The following WWP2 variants were observed in gnomAD, a reference collection of about 807,000 sequenced individuals.
The protein encoded by WWP2 is NEDD4-like E3 ubiquitin-protein ligase WWP2.
A neutral mutation model predicts 121.0 loss-of-function variants in WWP2; 57 were observed. The ratio of observed to expected loss-of-function variants is 0.47; its 90% confidence interval spans 0.38 to 0.59. WWP2 has a LOEUF of 0.59. WWP2 is among the 20% of genes least tolerant of loss of function. The pLI, the probability that WWP2 is intolerant of heterozygous loss-of-function variation, is 0.00. For synonymous variants in WWP2, 449 were observed against 441.3 expected, an observed-to-expected ratio of 1.02 and a Z score of -0.22; for missense variants, 962 against 1,158.9, an observed-to-expected ratio of 0.83 and a Z score of 2.47.
chr16:69,763,547 G>GT (rs1466912565), intron 1 of WWP2, among the ~76,000 whole-genome samples: 1 of 152,208 alleles, frequency 6.6e-6, no homozygotes, highest in Non-Finnish European at 1.5e-5. Context: ...ATGAGTTCAA[G>GT]TTTTTGGAGT....
At chr16:69,849,856 T>TGTA (rs2057168149) in intron 6 of WWP2, among the ~76,000 whole-genome samples, 1 of 77,494 alleles carries the variant, frequency 1.3e-5, no homozygotes, top group Non-Finnish European at 2.2e-5. Context: ...TATACATTGG[T>TGTA]TTATTTTGCA....
At chr16:69,924,402 A>G (rs2151980730) in intron 10 of WWP2, among the ~76,000 whole-genome samples, 1 of 152,352 alleles carries the variant, frequency 6.6e-6, no homozygotes, top group Non-Finnish European at 1.5e-5. Context: ...TAACGATTAA[A>G]TTTTAGTAAG....
At chr16:69,874,759 C>T (rs1268463661) in intron 7 of WWP2, among the ~76,000 whole-genome samples, 2 of 152,284 alleles carry the variant, frequency 1.3e-5, no homozygotes, top group South Asian at 2.1e-4. Context: ...AATTTCCATA[C>T]ACATCAGTCA....
chr16:69,847,831 C>G (rs927175350), intron 6 of WWP2, among the ~76,000 whole-genome samples: 1 of 152,152 alleles, frequency 6.6e-6, no homozygotes, highest in African/African-American at 2.4e-5. Flanking sequence ...CCCACTAGGT[C>G]TCACCTCCCA....
At chr16:69,783,800 C>CAACAACAACAACAACAACAAT (rs2055718740) in intron 1 of WWP2, among the ~76,000 whole-genome samples, 1 of 151,666 alleles carries the variant, frequency 6.6e-6, no homozygotes, top group Admixed American at 6.6e-5. Context: ...ACAACAACAA[C>CAACAACAACAACAACAACAAT]AACAAAATAT....
At chr16:69,778,860 T>C (rs4985529) in intron 1 of WWP2, among the ~76,000 whole-genome samples, 129,993 of 150,758 alleles carry the variant, frequency 0.86, 56,249 homozygotes, top group Admixed American at 0.92. Context: ...AGGCTGGTCT[T>C]GAACTCCTGC....
At chr16:69,918,596 G>A (rs1431638173) in intron 10 of WWP2, among the ~76,000 whole-genome samples, 1 of 152,212 alleles carries the variant, frequency 6.6e-6, no homozygotes, top group African/African-American at 2.4e-5. Context: ...GAAAAAGTTT[G>A]TTATCTTTGG....
intron 9 of WWP2, chr16:69,909,060 A>G: frequency 1.5e-6 from 2 of 1,346,694 alleles, no homozygotes; most frequent in Non-Finnish European, 1.9e-6. Flanking sequence ...GGGAAACAAA[A>G]GGCGCATGGG....
At chr16:69,816,676 C>T (rs535410114) in intron 4 of WWP2, among the ~76,000 whole-genome samples, 2 of 152,034 alleles carry the variant, frequency 1.3e-5, no homozygotes, top group Admixed American at 6.6e-5. Context: ...TCTGAATTCC[C>T]TCATATGTAT....
Position 69,773,099 on chromosome 16 carries a change from AGTGTCGCTACTACTTT to A in WWP2, c.-16+10711_-16+10726del, listed in dbSNP as rs531309319. ...AAGAACTGGCCTCTGGGAAGACGCT[AGTGTCGCTACTACTTT>A]GTTTCCTTAGCAACAGTCCTGACGG... is the stretch of plus-strand genomic sequence containing the variant. On this transcript the variant is annotated intron_variant, in intron 1 of 23. Transcript: ENST00000359154. Among the ~76,000 whole-genome samples, 13 of 152,046 alleles carry A rather than the reference AGTGTCGCTACTACTTT, an allele frequency of 8.6e-5. No homozygotes were observed. The East Asian group carries it at 2.1e-3, about 25-fold the overall frequency.
At chr16:69,915,297 G>A (rs1284410976) in intron 9 of WWP2, among the ~76,000 whole-genome samples, 2 of 152,268 alleles carry the variant, frequency 1.3e-5, no homozygotes, top group African/African-American at 4.8e-5. Flanking sequence ...ATTTAACGGT[G>A]AGTTTCCATA....
chr16:69,809,361 C>A (rs2056344595), intron 4 of WWP2, among the ~76,000 whole-genome samples: 1 of 152,082 alleles, frequency 6.6e-6, no homozygotes, highest in Non-Finnish European at 1.5e-5. Flanking sequence ...AGGTTTGAAT[C>A]TCAGAGATGG....
chr16:69,810,722 G>A (rs889692557), intron 4 of WWP2, among the ~76,000 whole-genome samples: 5 of 149,554 alleles, frequency 3.3e-5, no homozygotes, highest in South Asian at 2.1e-4. Context: ...GAGCCACTGC[G>A]CCCAGCCTTA....
chr16:69,917,967 T>C, intron 10 of WWP2, 84 bp downstream of exon 10: 3 of 1,504,390 alleles, frequency 2.0e-6, no homozygotes, highest in East Asian at 2.4e-5. Context: ...GTTGACCTGC[T>C]TAGTGAGCAG....
At chr16:69,874,579 G>A (rs533982560) in intron 7 of WWP2, among the ~76,000 whole-genome samples, 2 of 152,252 alleles carry the variant, frequency 1.3e-5, no homozygotes, top group African/African-American at 4.8e-5. Flanking sequence ...AGAGTGAATG[G>A]CAGCCCGTCT....
intron 9 of WWP2, among the ~76,000 whole-genome samples, chr16:69,914,178 A>G (rs2058445080): frequency 6.6e-6 from 1 of 152,048 alleles, no homozygotes; most frequent in African/African-American, 2.4e-5. Flanking sequence ...GTTCTTTAGC[A>G]AGAACTTGCG....
chr16:69,894,975 TC>T (rs554963836), intron 8 of WWP2: 49 of 152,388 alleles, frequency 3.2e-4, no homozygotes, highest in African/African-American at 1.2e-3. Context: ...ATGCTTTTTC[TC>T]CCGCAGCCAT....
chr16:69,861,479 A>G (rs929249843), intron 6 of WWP2, among the ~76,000 whole-genome samples: 1 of 152,044 alleles, frequency 6.6e-6, no homozygotes, highest in Non-Finnish European at 1.5e-5. Context: ...TTTAGAATGG[A>G]CTTGGCAGCG....
intron 6 of WWP2, among the ~76,000 whole-genome samples, chr16:69,846,257 G>A (rs552685719): frequency 1.3e-5 from 2 of 152,166 alleles, no homozygotes; most frequent in African/African-American, 4.8e-5. Flanking sequence ...GTAAAAATGG[G>A]TGAAAAATGG....
Sources: gnomAD v4.1 joint callset for allele counts (sites outside exome capture counted in the v4.1 genomes callset) on GRCh38, gnomAD v4.1.1 for gene constraint, MANE v1.5 for transcripts, NCBI Gene and HGNC (gene_info 2026-07-23, HGNC 2026-07-21) for gene names.